Variants in PWWP3A observed in about 807,000 individuals in gnomAD.
The protein encoded by PWWP3A is PWWP domain-containing DNA repair factor 3A.
PWWP3A carries 53 observed loss-of-function variants against 79.0 expected under a neutral mutation model. That is an observed-to-expected ratio of 0.67 (90% CI 0.54 to 0.84). PWWP3A has a LOEUF of 0.84. PWWP3A is among the 40% of genes least tolerant of loss of function. The pLI is 0.00. For missense variants in PWWP3A, 973 were observed against 948.0 expected, an observed-to-expected ratio of 1.03 and a Z score of -0.35; for synonymous variants, 443 against 394.4, an observed-to-expected ratio of 1.12 and a Z score of -1.46.
intron 6 of PWWP3A, among the ~76,000 whole-genome samples, chr19:1,362,880 G>T (rs895323625): frequency 1.2e-4 from 18 of 152,234 alleles, no homozygotes; most frequent in Admixed American, 4.6e-4. Flanking sequence ...GACTAGAAAT[G>T]AGAGACCCAA....
chr19:1,374,106 C>T (rs1256130851), intron 13 of PWWP3A: 2 of 152,202 alleles, frequency 1.3e-5, no homozygotes, highest in Non-Finnish European at 2.9e-5. Context: ...CACCTGGACC[C>T]AGCCTGCTGG....
intron 13 of PWWP3A, chr19:1,373,518 AAGC>A (rs1241054278): frequency 3.8e-6 from 1 of 260,878 alleles, no homozygotes; most frequent in Non-Finnish European, 7.4e-6. Flanking sequence ...CAGCAAGATT[AAGC>A]AGCAGCACGG....
rs1600093465 is a variant in PWWP3A, at chr19:1,356,537, C to T, written c.57+88C>T. The T allele has an allele frequency of 7.6e-6, 10 of 1,320,622 alleles. No homozygotes were observed. In the Admixed American group the frequency reaches 1.3e-4, roughly 17 times the overall value. The allele number at this position is 1,320,622 out of a possible 1,614,324, so 81.8% of individuals were successfully genotyped here. The stretch of plus-strand genomic sequence containing the variant: ...TTGATCAGGAGATACCTAGGATTTG[C>T]TTCAGTGAAATAATTGAGCCAGAAC... On this transcript the variant is annotated intron_variant, in intron 2 of 13. Coordinates refer to ENST00000591337, the MANE Select transcript of PWWP3A (RefSeq NM_001369789.1).
rs1600114424 is a variant in PWWP3A at position 1,367,201 on chromosome 19, A to G, written c.1403A>G (p.Lys468Arg). ...AAAAGTTTAAAGCACTTTGATTGTA[A>G]AGAGAAACAGACGCTTCTGGTAGGT... is the stretch of plus-strand genomic sequence containing the variant. ...SLKSLKHFDC[K>R]EKQTLLNQAR... Residue 468 changes from lysine to arginine, a missense_variant, in exon 9 of 14, where the codon AAA (lysine) becomes AGA (arginine). By Grantham distance (26) the Lys-to-Arg change is conservative. Transcript: ENST00000591337. 1 of 1,613,128 alleles carries G rather than the reference A, an allele frequency of 6.2e-7. No homozygotes were observed. Among genetic ancestry groups the G allele is most frequent in the Non-Finnish European group, 8.5e-7 (1 of 1,179,638 alleles).
At chr19:1,374,205 G>C (rs1282393147) in intron 13 of PWWP3A, 2 of 151,618 alleles carry the variant, frequency 1.3e-5, no homozygotes, top group Non-Finnish European at 2.9e-5. Flanking sequence ...TTTTGAGTCT[G>C]GGTTGCCGAC....
At chr19:1,376,495 A>C in intron 13 of PWWP3A, 24 bp from the exon 14 acceptor site, 1 of 1,611,406 alleles carries the variant, frequency 6.2e-7, no homozygotes, top group Non-Finnish European at 8.5e-7. Context: ...TAATTACTAA[A>C]ATGAAGACTC....
chr19:1,358,685 C>G (rs549020446), intron 4 of PWWP3A: 2 of 1,522,686 alleles, frequency 1.3e-6, no homozygotes, highest in Non-Finnish European at 1.8e-6. Flanking sequence ...ATTCTTGACG[C>G]CCAGAATGGT....
intron 5 of PWWP3A, among the ~76,000 whole-genome samples, chr19:1,361,317 C>G (rs980192707): frequency 6.6e-6 from 1 of 152,212 alleles, no homozygotes; most frequent in Admixed American, 6.5e-5. Context: ...GTCTGCGGCG[C>G]GGCTGGGAGC....
chr19:1,358,303 A>G (rs2081929456), intron 3 of PWWP3A, 91 bp from the exon 4 acceptor site: 1 of 1,248,764 alleles, frequency 8.0e-7, no homozygotes, highest in Admixed American at 2.0e-5. Flanking sequence ...GGAAAATGAA[A>G]ATAATTCTTT....
At chr19:1,375,530 T>TATATAAAAC (rs1491194538) in intron 13 of PWWP3A, among the ~76,000 whole-genome samples, 1 of 71,704 alleles carries the variant, frequency 1.4e-5, no homozygotes, top group Admixed American at 2.0e-4. Flanking sequence ...TCATATAATT[T>TATATAAAAC]ATATATTTTA....
rs754432081 is a variant in PWWP3A at position 1,367,231 on chromosome 19, G to A, written c.1422+11G>A. On this transcript the variant is annotated intron_variant, in intron 9 of 13. Coordinates refer to ENST00000591337, the MANE Select transcript of PWWP3A (RefSeq NM_001369789.1). ...AAACAGACGCTTCTGGTAGGTGGAT[G>A]ATGTTTTGTGCTTGCTTTAAATGGT... 15 of 1,609,656 alleles carry A rather than the reference G, an allele frequency of 9.3e-6. No homozygotes were observed. Among genetic ancestry groups the A allele is most frequent in the Middle Eastern group, 3.3e-4 (2 of 6,052 alleles).
In PWWP3A at chr19:1,370,776, G is replaced by A. The variant is rs773933247; in HGVS notation, c.1684G>A (p.Asp562Asn). ...QRQPCRKMLP[D>N]RSRAARDRAN... ...GCAGCCCTGCCGGAAAATGCTCCCC[G>A]ACCGCTCGCGGGCCGCCCGGGACCG... is the stretch of plus-strand genomic sequence containing the variant. The change falls in exon 12 of 14, where the codon GAC becomes AAC. Residue 562 changes from aspartate to asparagine, a missense_variant. Transcript: ENST00000591337. 1.0e-5 allele frequency: 16 copies of A among 1,530,822 alleles called. No individual in the cohort carries two copies. The highest frequency in any genetic ancestry group is 2.4e-5 in the East Asian group (1 of 41,352). 94.8% of individuals were successfully genotyped at this position (1,530,822 alleles called of 1,614,324 possible). A position where few individuals can be genotyped will look rare whatever the true frequency, so the allele number is the denominator to read the frequency against.
intron 7 of PWWP3A, among the ~76,000 whole-genome samples, chr19:1,365,172 T>C (rs2082102281): frequency 6.6e-6 from 1 of 152,212 alleles, no homozygotes; most frequent in Non-Finnish European, 1.5e-5. Flanking sequence ...TTTTAAATAT[T>C]GTGCATTTCA....
chr19:1,369,621 C>T lies in PWWP3A; in HGVS notation c.1524C>T (p.Phe508=), dbSNP rs1356458795. 6.2e-7 allele frequency: 1 copy of T among 1,614,228 alleles called. No individual in the cohort carries two copies. The highest frequency in any genetic ancestry group is 1.7e-5 in the Admixed American group (1 of 60,034). Residue 508 remains phenylalanine (F), a synonymous_variant, in exon 11 of 14, where the codon TTC becomes TTT. Coordinates refer to ENST00000591337, the MANE Select transcript of PWWP3A (RefSeq NM_001369789.1). This position sits in a 1 kb window ranked among gnomAD's most constrained non-coding sequence, Gnocchi z 4.0. ...RLGCGSFAGS[F]LEYYAADISY... ...GCTGCGGGTCTTTTGCTGGCTCTTT[C>T]CTGGAATATTACGCGGCTGATATAA... is the stretch of plus-strand genomic sequence containing the variant.
chr19:1,366,976 A>T (rs2082142862), intron 8 of PWWP3A, among the ~76,000 whole-genome samples, 184 bp from the exon 9 acceptor site: 1 of 152,194 alleles, frequency 6.6e-6, no homozygotes, highest in African/African-American at 2.4e-5. Flanking sequence ...TGCTGAAGTC[A>T]CTGGACCCAC....
In PWWP3A at chr19:1,369,408, G is replaced by A. The variant is rs1164821038; in HGVS notation, c.1498+68G>A. Reference sequence around the variant, plus strand: ...TCCAGCCTCTGAAGACCCCTTGGACGGGCTGGGCCGGAGCTGCCTGGAGGC... The same window carrying A: ...TCCAGCCTCTGAAGACCCCTTGGACAGGCTGGGCCGGAGCTGCCTGGAGGC... On this transcript the variant is annotated intron_variant, in intron 10 of 13. Transcript: ENST00000591337. This position sits in a 1 kb window ranked among gnomAD's most constrained non-coding sequence, Gnocchi z 4.0. 5 of 1,568,538 alleles carry A rather than the reference G, an allele frequency of 3.2e-6. No homozygotes were observed. Among genetic ancestry groups the A allele is most frequent in the African/African-American group, 2.7e-5 (2 of 73,938 alleles).
In PWWP3A at chr19:1,361,036, A is replaced by C; in HGVS notation, c.1111+4A>C. On this transcript the variant is annotated splice_donor_region_variant and intron_variant, in intron 5 of 13. Coordinates refer to ENST00000591337, the MANE Select transcript of PWWP3A (RefSeq NM_001369789.1). ...GATTCCCAGAAGCTGGAGAAAGGTAAAAGTTTCTCGTGGAGGAGGAGAGCG... is the reference window on the plus strand; with the variant it reads ...GATTCCCAGAAGCTGGAGAAAGGTACAAGTTTCTCGTGGAGGAGGAGAGCG... 7.0e-7 allele frequency: 1 copy of C among 1,425,496 alleles called. No individual in the cohort carries two copies. The highest frequency in any genetic ancestry group is 9.2e-7 in the Non-Finnish European group (1 of 1,087,482). The allele number at this position is 1,425,496 out of a possible 1,614,324, so 88.3% of individuals were successfully genotyped here.
chr19:1,376,218 C>T (rs999024620), intron 13 of PWWP3A, among the ~76,000 whole-genome samples: 8 of 149,076 alleles, frequency 5.4e-5, no homozygotes, highest in African/African-American at 1.5e-4. Context: ...CACCACCTCC[C>T]GGTTTCAAGC....
chr19:1,369,214 G>A lies in PWWP3A; in HGVS notation c.1423-51G>A, dbSNP rs1799376287. Reference sequence around the variant, plus strand: ...GGCTCTGCGTGGCTTCTGAACCCAGGGTGCTTGGCACTGCCTCCCACTGAC... The same window carrying A: ...GGCTCTGCGTGGCTTCTGAACCCAGAGTGCTTGGCACTGCCTCCCACTGAC... On this transcript the variant is annotated intron_variant, in intron 9 of 13. Transcript: ENST00000591337. The surrounding 1 kb of genome is among the most constrained non-coding windows in gnomAD (Gnocchi z 4.0). The A allele has an allele frequency of 6.3e-7, 1 of 1,583,270 alleles. No homozygotes were observed. The highest frequency in any genetic ancestry group is 1.1e-5 in the South Asian group (1 of 89,904).
Sources: allele counts gnomAD v4.1 joint callset (sites outside exome capture counted in the v4.1 genomes callset), GRCh38; gene constraint gnomAD v4.1.1; non-coding constraint Gnocchi (gnomAD v3.1); transcripts MANE v1.5; gene names NCBI Gene and HGNC (gene_info 2026-07-23, HGNC 2026-07-21).